SNRPN: variants seen among roughly 807,000 people sequenced by gnomAD.
SNRPN encodes the protein small nuclear ribonucleoprotein-associated protein N.
A neutral mutation model predicts 25.2 loss-of-function variants in SNRPN; 7 were observed. The ratio of observed to expected loss-of-function variants is 0.28; its 90% confidence interval spans 0.16 to 0.52. The LOEUF is 0.52. Among genes scored for constraint, SNRPN ranks in the 20% least tolerant of loss-of-function variants. The pLI is 0.96. For synonymous variants in SNRPN, 124 were observed against 110.6 expected (o/e 1.12, Z -0.76); for missense variants, 196 against 322.5 (o/e 0.61, Z 3.00).
intron 3 of SNRPN, among the ~76,000 whole-genome samples, chr15:24,925,802 C>T (rs1285433846): frequency 1.8e-4 from 27 of 151,542 alleles, no homozygotes; most frequent in Non-Finnish European, 4.4e-5. Context: ...AGTGCAGTGG[C>T]GCGATCTCGG....
chr15:24,847,832 G>C (rs1479213700), intron 2 of SNRPN, among the ~76,000 whole-genome samples: 1 of 152,046 alleles, frequency 6.6e-6, no homozygotes. Flanking sequence ...TACCCTGAGC[G>C]CAATCATACT....
chr15:24,925,274 A>G (rs2060301740), intron 3 of SNRPN, among the ~76,000 whole-genome samples: 1 of 152,160 alleles, frequency 6.6e-6, no homozygotes, highest in Non-Finnish European at 1.5e-5. Context: ...TATGTCAATC[A>G]TAGGAAAATA....
chr15:24,921,357 C>G (rs555148509), intron 3 of SNRPN: 1 of 152,264 alleles, frequency 6.6e-6, no homozygotes, highest in East Asian at 1.9e-4. Context: ...TACAGTCCCT[C>G]TCAGAAACTG....
At chr15:24,952,358 G>A (rs932263651), upstream of SNRPN, among the ~76,000 whole-genome samples, 1 of 152,122 alleles carries the variant, frequency 6.6e-6, no homozygotes, top group African/African-American at 2.4e-5. Context: ...TTGGCTTGGG[G>A]ATAAATGTAG....
intron 1 of SNRPN, among the ~76,000 whole-genome samples, chr15:24,960,568 G>A (rs751487199): frequency 6.6e-6 from 1 of 152,048 alleles, no homozygotes; most frequent in Non-Finnish European, 1.5e-5. Flanking sequence ...GTGATCGCTG[G>A]CCTCAGCCTT....
Position 24,974,864 on chromosome 15 carries a change from A to G in SNRPN, c.3+408A>G, listed in dbSNP as rs939357134. The G allele has an allele frequency of 7.1e-5, 50 of 700,068 alleles. 1 individual carries two copies. The highest frequency in any genetic ancestry group is 4.6e-4 in the Middle Eastern group (2 of 4,372). The allele number at this position is 700,068 out of a possible 1,614,324, so 43.4% of individuals were successfully genotyped here. Reference sequence around the variant, plus strand: ...ATGAGATGAGCCACTGTGCCTGGCCATGAGAAATGTTTCATGATGTGAGAA... The same window carrying G: ...ATGAGATGAGCCACTGTGCCTGGCCGTGAGAAATGTTTCATGATGTGAGAA... On this transcript the variant is annotated intron_variant, in intron 4 of 9. Transcript: ENST00000390687.
At chr15:24,962,086 A>C (rs1157826120) in intron 1 of SNRPN, 28 bp from the exon 2 acceptor site, 1 of 1,589,152 alleles carries the variant, frequency 6.3e-7, no homozygotes, top group South Asian at 1.1e-5. Context: ...GCAGTCTACC[A>C]AACAAATGCC....
intron 1 of SNRPN, among the ~76,000 whole-genome samples, chr15:24,959,689 C>T (rs2074452486): frequency 6.6e-6 from 1 of 152,106 alleles, no homozygotes; most frequent in African/African-American, 2.4e-5. Flanking sequence ...TGTGTGCCCA[C>T]CATAATGTAG....
At chr15:24,923,952 A>C (rs1330621025) in intron 3 of SNRPN, among the ~76,000 whole-genome samples, 3 of 91,446 alleles carry the variant, frequency 3.3e-5, no homozygotes, top group South Asian at 4.2e-4. Context: ...TTTTTTTGAG[A>C]TGGAGTCTCA....
At chr15:24,842,727 C>G (rs1368523517) in intron 2 of SNRPN, among the ~76,000 whole-genome samples, 2 of 152,188 alleles carry the variant, frequency 1.3e-5, no homozygotes, top group African/African-American at 4.8e-5. Flanking sequence ...ACAGTCCCTC[C>G]CTAGCTCAGA....
chr15:24,850,430 C>G (rs1448788649), intron 2 of SNRPN: 1 of 152,098 alleles, frequency 6.6e-6, no homozygotes, highest in African/African-American at 2.4e-5. Context: ...CCTGCCTCAG[C>G]CTCCTGAGTA....
intron 3 of SNRPN, among the ~76,000 whole-genome samples, chr15:24,937,760 C>T (rs997487691): frequency 2.6e-5 from 4 of 152,108 alleles, no homozygotes; most frequent in Admixed American, 2.6e-4. Context: ...TAAATAATAA[C>T]TCCGTTTCCT....
intron 3 of SNRPN, among the ~76,000 whole-genome samples, chr15:24,930,619 C>T (rs61999149): frequency 0.048 from 6,641 of 138,216 alleles, 195 homozygotes; most frequent in Middle Eastern, 0.1. Flanking sequence ...AGTCTGGGTG[C>T]AGTGGCTCAC....
At chr15:24,907,421 C>A (rs916054073) in intron 2 of SNRPN, among the ~76,000 whole-genome samples, 4 of 151,786 alleles carry the variant, frequency 2.6e-5, no homozygotes, top group Admixed American at 6.6e-5. Context: ...CATGGTGAAA[C>A]CCCGTCTCTA....
chr15:24,956,972 A>C (rs1408503409), intron 1 of SNRPN, among the ~76,000 whole-genome samples: 1 of 152,144 alleles, frequency 6.6e-6, no homozygotes, highest in Admixed American at 6.5e-5. Flanking sequence ...AATGATAGAG[A>C]TTTTAAATTG....
chr15:24,949,369 G>A (rs781666007), intron 3 of SNRPN, among the ~76,000 whole-genome samples: 1 of 152,062 alleles, frequency 6.6e-6, no homozygotes, highest in Non-Finnish European at 1.5e-5. Context: ...CCATAAAAAC[G>A]CCTGACATGT....
rs148982485 is a variant in SNRPN at position 24,905,617 on chromosome 15, T to A, written c.-504-14394T>A. On this transcript the variant is annotated intron_variant, in intron 2 of 11. Coordinates refer to the SNRPN transcript ENST00000400097. Reference sequence around the variant, plus strand: ...ATTAAGAATCAGCTGTAACATTTGTTGGGACTTGGTAGAAGATAACTGCTA... The same window carrying A: ...ATTAAGAATCAGCTGTAACATTTGTAGGGACTTGGTAGAAGATAACTGCTA... Among the ~76,000 whole-genome samples the A allele has an allele frequency of 3.5e-3, 533 of 152,312 alleles. 6 individuals carry two copies. Among genetic ancestry groups the A allele is most frequent in the African/African-American group, 0.012 (516 of 41,580 alleles).
chr15:24,879,883 G>A (rs756615685), intron 1 of SNRPN, among the ~76,000 whole-genome samples: 3 of 152,118 alleles, frequency 2.0e-5, no homozygotes, highest in Non-Finnish European at 4.4e-5. Flanking sequence ...GTCTGGTGTT[G>A]GGGCAATTCA....
rs1036559461 is a variant in SNRPN at position 24,897,922 on chromosome 15, CA to C, written c.-505+11335del. ...ATGTCTTTATTAGCAGGCTGAGAAT[CA>C]ACTAATACACCCTGTATTAATGTAT... is the stretch of plus-strand genomic sequence containing the variant. On this transcript the variant is annotated intron_variant, in intron 2 of 11. Transcript: ENST00000400097. Among the ~76,000 whole-genome samples the C allele has an allele frequency of 7.4e-4, 113 of 152,030 alleles. 3 individuals are homozygous for C. The highest frequency in any genetic ancestry group is 5.2e-4 in the Admixed American group (8 of 15,264).
Sources: gnomAD v4.1 joint callset for allele counts (sites outside exome capture counted in the v4.1 genomes callset) on GRCh38, gnomAD v4.1.1 for gene constraint, MANE v1.5 for transcripts, NCBI Gene and HGNC (gene_info 2026-07-23, HGNC 2026-07-21) for gene names.